TOMM34: variants seen among roughly 807,000 people sequenced by gnomAD.
TOMM34 encodes translocase of outer mitochondrial membrane 34, also known as mitochondrial import receptor subunit TOM34.
Under a neutral mutation model 37.4 loss-of-function variants are expected in TOMM34, and 24 were observed. That is an observed-to-expected ratio of 0.64 (90% CI 0.46 to 0.90). The LOEUF is 0.90. TOMM34 is among the 40% of genes least tolerant of loss of function. The pLI, the probability that TOMM34 is intolerant of heterozygous loss-of-function variation, is 0.00. For missense variants in TOMM34, 304 were observed against 375.6 expected (o/e 0.81, Z 1.58); for synonymous variants, 154 against 148.9 (o/e 1.03, Z -0.25).
intron 1 of TOMM34, 164 bp downstream of exon 1, chr20:44,960,043 T>A: frequency 2.1e-6 from 2 of 968,486 alleles, no homozygotes; most frequent in Non-Finnish European, 2.4e-6. Flanking sequence ...AACAAGCAGG[T>A]GGAAAGAAAG....
Position 44,943,154 on chromosome 20 carries a change from A to G in TOMM34, c.885T>C (p.Gly295=). 1.2e-6 allele frequency: 2 copies of G among 1,614,116 alleles called. No individual in the cohort carries two copies. Among genetic ancestry groups the G allele is most frequent in the Non-Finnish European group, 1.7e-6 (2 of 1,180,018 alleles). The change falls in exon 7 of 7, where the codon GGT becomes GGC. Residue 295 remains glycine (G), a synonymous_variant. Transcript: ENST00000372813. Reference sequence around the variant, plus strand: ...CTTCCTGCCGCAACTTCTGTGCAGGACCATTCCTAGGCTCAATCTGTAGGA... The same window carrying G: ...CTTCCTGCCGCAACTTCTGTGCAGGGCCATTCCTAGGCTCAATCTGTAGGA... The part of the protein sequence containing the change: ...SNLLQIEPRN[G]PAQKLRQEVK...
intron 1 of TOMM34, among the ~76,000 whole-genome samples, chr20:44,957,522 C>G (rs909082472): frequency 6.6e-6 from 1 of 152,136 alleles, no homozygotes; most frequent in Non-Finnish European, 1.5e-5. Context: ...TTCATACCCA[C>G]TAGTGTCGGC....
intron 1 of TOMM34, among the ~76,000 whole-genome samples, chr20:44,958,130 G>GTATATGTATA (rs1254947977): frequency 5.1e-4 from 64 of 125,998 alleles, no homozygotes; most frequent in African/African-American, 1.9e-3. Context: ...GTATATATAT[G>GTATATGTATA]TATATGTATA....
chr20:44,955,689 CA>C, intron 2 of TOMM34: 3 of 455,784 alleles, frequency 6.6e-6, no homozygotes, highest in Non-Finnish European at 1.3e-5. Context: ...AACCGTACCC[CA>C]CAGATTGGTT....
chr20:44,958,101 T>C (rs1213324657), intron 1 of TOMM34, among the ~76,000 whole-genome samples: 2 of 147,960 alleles, frequency 1.4e-5, no homozygotes, highest in African/African-American at 2.5e-5. Context: ...TGTATATGTA[T>C]ATATGTATAC....
At chr20:44,945,161 C>G (rs1435212320) in intron 5 of TOMM34, among the ~76,000 whole-genome samples, 1 of 152,216 alleles carries the variant, frequency 6.6e-6, no homozygotes, top group African/African-American at 2.4e-5. Context: ...TTGCCCCAGA[C>G]TTTATTATAC....
intron 1 of TOMM34, among the ~76,000 whole-genome samples, chr20:44,958,144 A>ATGTATATGTATATATATATGTG (rs60792281): frequency 1.4e-5 from 2 of 146,918 alleles, no homozygotes; most frequent in South Asian, 2.2e-4. Flanking sequence ...ATGTATATAT[A>ATGTATATGTATATATATATGTG]TGTGTGTGTG....
chr20:44,945,835 G>A (rs957874861), intron 5 of TOMM34, among the ~76,000 whole-genome samples: 2 of 151,998 alleles, frequency 1.3e-5, no homozygotes, highest in African/African-American at 4.8e-5. Context: ...ATAGTAGCCC[G>A]TTTTAAACTT....
rs375966190 is a variant in TOMM34, at chr20:44,955,212, G to A, written c.236C>T (p.Ala79Val). 1.6e-4 allele frequency: 257 copies of A among 1,613,916 alleles called. No homozygotes were observed. Among genetic ancestry groups the A allele is most frequent in the Non-Finnish European group, 2.0e-4 (232 of 1,179,974 alleles). ...DCIKDCTSAL[A>V]LVPFSIKPLL... ...GGGCTTAATGCTGAAGGGAACCAAG[G>A]CCAGTGCTCTAGAATAGGAGGCAAA... is the stretch of plus-strand genomic sequence containing the variant. Residue 79 changes from alanine to valine, a missense_variant, in exon 3 of 7, where the codon GCC becomes GTC. Physicochemically the swap from Ala to Val is moderately conservative, Grantham distance 64 (BLOSUM62 0). Coordinates refer to ENST00000372813, the MANE Select transcript of TOMM34 (RefSeq NM_006809.5).
At position 44,955,126 on chromosome 20, in the gene TOMM34, A is replaced by G; in HGVS notation, c.322T>C (p.Tyr108His). The G allele has an allele frequency of 1.9e-6, 3 of 1,614,208 alleles. No individual in the cohort carries two copies. The highest frequency in any genetic ancestry group is 2.5e-6 in the Non-Finnish European group (3 of 1,180,030). Residue 108 changes from tyrosine to histidine, a missense_variant, in exon 3 of 7, where the codon TAT (tyrosine) becomes CAT (histidine). Tyr to His is a moderately conservative substitution (Grantham distance 83, BLOSUM62 2). Transcript: ENST00000372813. ...LEKYPMAYVD[Y>H]KTVLQIDDNV... ...TCATCAATCTGCAGCACAGTCTTAT[A>G]GTCAACATAGGCCATAGGGTACTTC...
chr20:44,958,489 G>A, intron 1 of TOMM34: 1 of 438,688 alleles, frequency 2.3e-6, no homozygotes, highest in East Asian at 7.1e-5. Flanking sequence ...CTGCGATCCG[G>A]ACAAGTCACT....
intron 1 of TOMM34, among the ~76,000 whole-genome samples, chr20:44,958,144 A>ATGTGTATGTATATATATG (rs1555802838): frequency 6.1e-5 from 9 of 146,978 alleles, no homozygotes; most frequent in African/African-American, 2.3e-4. Flanking sequence ...ATGTATATAT[A>ATGTGTATGTATATATATG]TGTGTGTGTG....
At chr20:44,945,961 G>A (rs571601624) in intron 5 of TOMM34, among the ~76,000 whole-genome samples, 24 of 152,128 alleles carry the variant, frequency 1.6e-4, no homozygotes, top group Non-Finnish European at 2.5e-4. Context: ...GGGTTCAAGC[G>A]ATTCTCCTAC....
At position 44,943,544 on chromosome 20, in the gene TOMM34, T is replaced by C. The variant is rs1329310777; in HGVS notation, c.734A>G (p.Glu245Gly). The C allele has an allele frequency of 4.3e-6, 7 of 1,614,076 alleles. No homozygotes were observed. The highest frequency in any genetic ancestry group is 5.9e-6 in the Non-Finnish European group (7 of 1,180,040). The change falls in exon 6 of 7, where the codon GAA becomes GGA. Residue 245 changes from glutamate to glycine, a missense_variant. Coordinates refer to ENST00000372813, the MANE Select transcript of TOMM34 (RefSeq NM_006809.5). ...LCYLVLKQYT[E>G]AVKDCTEALK... ...GGCTTCTGTGCAGTCCTTCACTGCT[T>C]CTGTGTACTGCTTCAGGACCAAATA...
At position 44,948,608 on chromosome 20, in the gene TOMM34, C is replaced by T. The variant is rs141943528; in HGVS notation, c.698+122G>A. On this transcript the variant is annotated intron_variant, in intron 5 of 6. Coordinates refer to ENST00000372813, the MANE Select transcript of TOMM34 (RefSeq NM_006809.5). ...TCATGGCTAGCTCACAACGTGGATGCATGTTTTCAGCCATAACATACTTGA... is the reference window on the plus strand; with the variant it reads ...TCATGGCTAGCTCACAACGTGGATGTATGTTTTCAGCCATAACATACTTGA... 8.9e-5 allele frequency: 110 copies of T among 1,237,988 alleles called. 2 individuals are homozygous for T. The Middle Eastern group carries it at 4.1e-3, about 47-fold the overall frequency. The allele number at this position is 1,237,988 out of a possible 1,614,324, so 76.7% of individuals were successfully genotyped here.
At chr20:44,945,091 T>C (rs940454881) in intron 5 of TOMM34, among the ~76,000 whole-genome samples, 49 of 152,178 alleles carry the variant, frequency 3.2e-4, no homozygotes, top group African/African-American at 1.1e-3. Flanking sequence ...AGAAGCAAGG[T>C]AGGATTCAAG....
intron 5 of TOMM34, among the ~76,000 whole-genome samples, chr20:44,945,883 G>C (rs2066976697): frequency 6.6e-6 from 1 of 151,780 alleles, no homozygotes; most frequent in Non-Finnish European, 1.5e-5. Context: ...TTGGAGACAG[G>C]GTCTCACTCT....
At chr20:44,956,357 G>T in intron 2 of TOMM34, 29 bp downstream of exon 2, 1 of 1,609,178 alleles carries the variant, frequency 6.2e-7, no homozygotes, top group Non-Finnish European at 8.5e-7. Flanking sequence ...AGACCCTCAG[G>T]CATCCCAAAA....
At chr20:44,956,539 C>T (rs2067074967) in intron 1 of TOMM34, 54 bp from the exon 2 acceptor site, 3 of 1,539,518 alleles carry the variant, frequency 1.9e-6, no homozygotes, top group Non-Finnish European at 1.8e-6. Flanking sequence ...TGCCTCAGGG[C>T]ATTAGGATAC....
Sources: gnomAD v4.1 joint callset for allele counts (sites outside exome capture counted in the v4.1 genomes callset) on GRCh38, gnomAD v4.1.1 for gene constraint, MANE v1.5 for transcripts, NCBI Gene and HGNC (gene_info 2026-07-23, HGNC 2026-07-21) for gene names.